PTPRN2: variants seen among roughly 807,000 people sequenced by gnomAD.
The protein encoded by PTPRN2 is receptor-type tyrosine-protein phosphatase N2.
In PTPRN2, 74 loss-of-function variants were observed where a neutral mutation model predicts 118.8. The ratio of observed to expected loss-of-function variants is 0.62; its 90% CI spans 0.52 to 0.76. The LOEUF (loss-of-function observed/expected upper bound fraction) is 0.76, where lower values mean the gene tolerates loss of function less well. Ranked by LOEUF, PTPRN2 falls within the 30% of genes least tolerant of loss-of-function variation. PTPRN2 has a pLI of 0.00. For missense variants in PTPRN2, 1,481 were observed against 1,394.4 expected, an observed-to-expected ratio of 1.06 and a Z score of -0.99; for synonymous variants, 641 against 608.0, an observed-to-expected ratio of 1.05 and a Z score of -0.80.
At chr7:158,241,440 G>A (rs1795900491) in intron 3 of PTPRN2, among the ~76,000 whole-genome samples, 1 of 152,110 alleles carries the variant, frequency 6.6e-6, no homozygotes, top group African/African-American at 2.4e-5. Flanking sequence ...CTTGAACCCA[G>A]GAGGCAAAGG....
At chr7:158,153,607 C>A (rs984436185) in intron 6 of PTPRN2, among the ~76,000 whole-genome samples, 16 of 152,188 alleles carry the variant, frequency 1.1e-4, no homozygotes, top group African/African-American at 3.4e-4. Context: ...GGAACTTTTC[C>A]CGTTTCAACA....
At chr7:158,165,656 C>T (rs1033413706) in intron 6 of PTPRN2, among the ~76,000 whole-genome samples, 2 of 152,230 alleles carry the variant, frequency 1.3e-5, no homozygotes, top group Non-Finnish European at 2.9e-5. Flanking sequence ...TCACATAACG[C>T]GATGCTCAGG....
At chr7:158,102,691 T>C (rs191122057) in intron 10 of PTPRN2, among the ~76,000 whole-genome samples, 79 of 152,242 alleles carry the variant, frequency 5.2e-4, no homozygotes, top group South Asian at 1.7e-3. Flanking sequence ...GTTGGAGGGA[T>C]GAGGCCTTTG....
intron 11 of PTPRN2, among the ~76,000 whole-genome samples, chr7:157,940,886 ATGACACTGCAAATCTAACACCCCCCCG>A (rs1300187373): frequency 6.6e-4 from 2 of 3,050 alleles, no homozygotes; most frequent in South Asian, 9.4e-3. Context: ...ACGCCCCCCC[ATGACACTGCAAATCTAACACCCCCCCG>A]TGACACTGCA....
chr7:158,172,309 G>A (rs989718426), intron 5 of PTPRN2, among the ~76,000 whole-genome samples: 5 of 152,180 alleles, frequency 3.3e-5, no homozygotes, highest in Non-Finnish European at 5.9e-5. Context: ...GAGGATTAGG[G>A]AGAGTATAGG....
intron 1 of PTPRN2, among the ~76,000 whole-genome samples, chr7:158,490,432 C>T (rs536552102): frequency 6.6e-6 from 1 of 152,316 alleles, no homozygotes. Flanking sequence ...GAAGGGGCTC[C>T]AGAAGCTCCG....
intron 3 of PTPRN2, among the ~76,000 whole-genome samples, chr7:158,302,528 C>G (rs1800971525): frequency 6.6e-6 from 1 of 152,258 alleles, no homozygotes; most frequent in South Asian, 2.1e-4. Flanking sequence ...AGATCACCCC[C>G]AGTCACCGAC....
rs1217145113 is a variant in PTPRN2 at position 158,167,298 on chromosome 7, G to A, written c.550-7C>T. 1.3e-6 allele frequency: 2 copies of A among 1,583,164 alleles called. No homozygotes were observed. On this transcript the variant is annotated splice_polypyrimidine_tract_variant and splice_region_variant and intron_variant, in intron 5 of 22. Transcript: ENST00000389418. The stretch of plus-strand genomic sequence containing the variant: ...CGGAGAAGCGGTCATCACCCTGAAG[G>A]AAAGGAGAGCAAAACAGAGCAAGAG...
chr7:158,157,588 T>A (rs1211465010), intron 6 of PTPRN2, among the ~76,000 whole-genome samples: 1 of 152,104 alleles, frequency 6.6e-6, no homozygotes, highest in Non-Finnish European at 1.5e-5. Context: ...GCAGTGCAGG[T>A]CCGGGACTGC....
At chr7:157,916,590 G>A (rs1798410577) in intron 11 of PTPRN2, among the ~76,000 whole-genome samples, 1 of 152,230 alleles carries the variant, frequency 6.6e-6, no homozygotes, top group African/African-American at 2.4e-5. Flanking sequence ...AGAGGTGCCT[G>A]GTGCTTCACT....
chr7:158,092,147 A>G lies in PTPRN2; in HGVS notation c.1644-10770T>C, dbSNP rs1247750406. Among the ~76,000 whole-genome samples the G allele has an allele frequency of 2.7e-5, 4 of 150,810 alleles. No homozygotes were observed. In the East Asian group the frequency reaches 7.8e-4, roughly 29 times the overall value. On this transcript the variant is annotated intron_variant, in intron 10 of 22. Transcript: ENST00000389418. ...GGTTGGGTGAGTGGGTACATGGATG[A>G]GTAGATGGGTGAATGGGAGGGCAGA...
intron 2 of PTPRN2, among the ~76,000 whole-genome samples, chr7:158,319,430 A>ACAGCCCCCCCCACACACG (rs1554455031): frequency 1.1e-5 from 1 of 90,738 alleles, no homozygotes; most frequent in Admixed American, 1.1e-4. Flanking sequence ...ACACACACAC[A>ACAGCCCCCCCCACACACG]CACACAGCCT....
chr7:158,070,968 A>ATGGTGGAGGTG (rs1811350934), intron 11 of PTPRN2, among the ~76,000 whole-genome samples: 2 of 19,484 alleles, frequency 1.0e-4, no homozygotes, highest in African/African-American at 2.9e-4. Context: ...GGAGGTGCTC[A>ATGGTGGAGGTG]CGGTGGAGGT....
chr7:158,453,640 T>G (rs1818246118), intron 2 of PTPRN2, among the ~76,000 whole-genome samples: 1 of 152,210 alleles, frequency 6.6e-6, no homozygotes, highest in Non-Finnish European at 1.5e-5. Context: ...GCAGGATCTG[T>G]TGCTTCTTAT....
intron 11 of PTPRN2, among the ~76,000 whole-genome samples, chr7:158,065,556 C>T (rs187353147): frequency 3.9e-5 from 6 of 152,270 alleles, no homozygotes; most frequent in Non-Finnish European, 4.4e-5. Flanking sequence ...CAGTGGCTGG[C>T]GGGGCAGATG....
At chr7:157,569,034 G>T in intron 20 of PTPRN2, 68 bp from the exon 21 acceptor site, 2 of 1,427,786 alleles carry the variant, frequency 1.4e-6, no homozygotes, top group Non-Finnish European at 9.8e-7. Flanking sequence ...AACAAAGCTA[G>T]TGACAGTTCA....
rs1196940358 is a variant in PTPRN2, at chr7:157,627,844, C to T, written c.2197-6335G>A. Among the ~76,000 whole-genome samples, 1 of 152,128 alleles carries T rather than the reference C, an allele frequency of 6.6e-6. No individual in the cohort carries two copies. Reference sequence around the variant, plus strand: ...TATCTGACGTAGATCCCAGAGCACACGACATCCACACCACAGCAGCTGAAG... The same window carrying T: ...TATCTGACGTAGATCCCAGAGCACATGACATCCACACCACAGCAGCTGAAG... On this transcript the variant is annotated intron_variant, in intron 14 of 22. Coordinates refer to ENST00000389418, the MANE Select transcript of PTPRN2 (RefSeq NM_002847.5). This position sits in a 1 kb window ranked among gnomAD's most constrained non-coding sequence, Gnocchi z 4.2.
intron 9 of PTPRN2, among the ~76,000 whole-genome samples, chr7:158,131,384 ATACACAC>A (rs1818267017): frequency 1.6e-5 from 1 of 63,512 alleles, no homozygotes. Flanking sequence ...ACACACACTC[ATACACAC>A]ACGTATATAC....
chr7:158,257,719 TGCG>T (rs1409144440), intron 3 of PTPRN2, among the ~76,000 whole-genome samples: 1 of 152,238 alleles, frequency 6.6e-6, no homozygotes. Flanking sequence ...GACCAAGACC[TGCG>T]GCGGTGACTG....
Sources: gnomAD v4.1 joint callset for allele counts (sites outside exome capture counted in the v4.1 genomes callset) on GRCh38, gnomAD v4.1.1 for gene constraint, Gnocchi (gnomAD v3.1) non-coding constraint, MANE v1.5 for transcripts, NCBI Gene and HGNC (gene_info 2026-07-23, HGNC 2026-07-21) for gene names.